Variants in SPTB observed in about 807,000 individuals in gnomAD.
SPTB encodes spectrin beta chain, erythrocytic.
A neutral mutation model predicts 256.2 loss-of-function variants in SPTB; 45 were observed. The ratio of observed to expected loss-of-function variants is 0.18; its 90% CI spans 0.14 to 0.23. The LOEUF (loss-of-function observed/expected upper bound fraction) is 0.23. SPTB is among the 10% of genes least tolerant of loss of function. The pLI is 1.00. For synonymous variants in SPTB, 1,231 were observed against 1,243.1 expected (o/e 0.99, Z 0.21); for missense variants, 2,715 against 3,040.4 (o/e 0.89, Z 2.52).
intron 9 of SPTB, among the ~76,000 whole-genome samples, chr14:64,798,767 T>C (rs1358271731): frequency 1.3e-5 from 2 of 152,234 alleles, no homozygotes; most frequent in African/African-American, 4.8e-5. Context: ...GATACTTGTT[T>C]ATAGTATATC....
chr14:64,767,824 C>G lies in SPTB; in HGVS notation c.6058G>C (p.Val2020Leu), dbSNP rs1486186891. 2 of 1,614,024 alleles carry G rather than the reference C, an allele frequency of 1.2e-6. No individual in the cohort carries two copies. Among genetic ancestry groups the G allele is most frequent in the Non-Finnish European group, 1.7e-6 (2 of 1,180,006 alleles). The change falls in exon 30 of 36, where the codon GTG becomes CTG. Residue 2020 changes from valine (V) to leucine (L), a missense_variant. By Grantham distance (32) the Val-to-Leu change is conservative. Transcript: ENST00000644917. ...TGGGCAATCAGCCACGCCTCAGCCACAGAGGCATCCCTCGAGAACTGGCAC... is the reference window on the plus strand; with the variant it reads ...TGGGCAATCAGCCACGCCTCAGCCAGAGAGGCATCCCTCGAGAACTGGCAC... ...EVCQFSRDAS[V>L]AEAWLIAQEP...
rs533903490 is a variant in SPTB, at chr14:64,764,474, C to A, written c.6345+2252G>T. ...ACCGGGCACAAGCCAGTCTTCCCATCTGCTGGAGTGGCTGGCTCTCCGGAA... is the reference window on the plus strand; with the variant it reads ...ACCGGGCACAAGCCAGTCTTCCCATATGCTGGAGTGGCTGGCTCTCCGGAA... On this transcript the variant is annotated intron_variant, in intron 32 of 35. Transcript: ENST00000644917. This position sits in a 1 kb window ranked among gnomAD's most constrained non-coding sequence, Gnocchi z 4.2. Among the ~76,000 whole-genome samples the A allele has an allele frequency of 0.01, 1,549 of 152,346 alleles. 22 individuals are homozygous for A. The highest frequency in any genetic ancestry group is 0.036 in the African/African-American group (1,485 of 41,564).
At chr14:64,874,221 T>A (rs370962092) in intron 1 of SPTB, among the ~76,000 whole-genome samples, 13 of 152,146 alleles carry the variant, frequency 8.5e-5, no homozygotes, top group African/African-American at 2.2e-4. Flanking sequence ...GGCCCCCTCA[T>A]CCTCCCTTCT....
At position 64,825,362 on chromosome 14, in the gene SPTB, G is replaced by A. The variant is rs1295495486; in HGVS notation, c.-51-2217C>T. Among the ~76,000 whole-genome samples, 8 of 152,184 alleles carry A rather than the reference G, an allele frequency of 5.3e-5. No homozygotes were observed. The highest frequency in any genetic ancestry group is 1.5e-5 in the Non-Finnish European group (1 of 68,030). On this transcript the variant is annotated intron_variant, in intron 1 of 35. Coordinates refer to ENST00000644917, the MANE Select transcript of SPTB (RefSeq NM_001355436.2). The surrounding 1 kb of genome is among the most constrained non-coding windows in gnomAD (Gnocchi z 4.8). ...CCACCCTTGTGCCTTTGAACAGCCT[G>A]TCCTCTTCTGCAGATGGACTTGCTG...
chr14:64,842,275 A>T (rs558969237), intron 1 of SPTB, among the ~76,000 whole-genome samples: 1 of 152,332 alleles, frequency 6.6e-6, no homozygotes, highest in East Asian at 1.9e-4. Context: ...TTCCTAGTAC[A>T]TGGTAGCAGT....
At position 64,802,184 on chromosome 14, in the gene SPTB, G is replaced by T. The variant is rs762251599; in HGVS notation, c.566+42C>A. On this transcript the variant is annotated intron_variant, in intron 5 of 35. Coordinates refer to ENST00000644917, the MANE Select transcript of SPTB (RefSeq NM_001355436.2). This position sits in a 1 kb window ranked among gnomAD's most constrained non-coding sequence, Gnocchi z 5.1. The stretch of plus-strand genomic sequence containing the variant: ...ATGGCAGTGCTTGTGCGGAGCAAGG[G>T]GCTGGTGGTGGATGTGCTAACAGCT... 2 of 1,578,888 alleles carry T rather than the reference G, an allele frequency of 1.3e-6. No homozygotes were observed. The highest frequency in any genetic ancestry group is 1.7e-5 in the Admixed American group (1 of 59,880).
intron 1 of SPTB, among the ~76,000 whole-genome samples, chr14:64,831,909 AC>A (rs2083457995): frequency 1.3e-5 from 2 of 152,226 alleles, no homozygotes; most frequent in African/African-American, 4.8e-5. Flanking sequence ...GTAAGCCAAT[AC>A]CCATACAAGG....
Position 64,778,409 on chromosome 14 carries a change from G to A in SPTB, c.4563+748C>T, listed in dbSNP as rs2082399185. Among the ~76,000 whole-genome samples, 1 of 152,182 alleles carries A rather than the reference G, an allele frequency of 6.6e-6. No individual in the cohort carries two copies. The highest frequency in any genetic ancestry group is 2.1e-4 in the South Asian group (1 of 4,836). ...TGGGCTCTCCTTGCTGACCCAGAGA[G>A]CATGCAGAGGGAGGGTCTCTCTGTC... On this transcript the variant is annotated intron_variant, in intron 22 of 35. Coordinates refer to ENST00000644917, the MANE Select transcript of SPTB (RefSeq NM_001355436.2). This position sits in a 1 kb window ranked among gnomAD's most constrained non-coding sequence, Gnocchi z 5.2.
intron 1 of SPTB, among the ~76,000 whole-genome samples, chr14:64,843,874 C>A (rs2083646692): frequency 6.6e-6 from 1 of 152,230 alleles, no homozygotes; most frequent in African/African-American, 2.4e-5. Flanking sequence ...ATTCTCCTGA[C>A]TGGACTCTCT....
rs992585095 is a variant in SPTB, at chr14:64,777,969, C to A, written c.4563+1188G>T. On this transcript the variant is annotated intron_variant, in intron 22 of 35. Coordinates refer to ENST00000644917, the MANE Select transcript of SPTB (RefSeq NM_001355436.2). The surrounding 1 kb of genome is among the most constrained non-coding windows in gnomAD (Gnocchi z 4.5). The stretch of plus-strand genomic sequence containing the variant: ...AACACTTACAGAGGCTGCATAGAAT[C>A]AAAAATCCTAGTGTTGGAAAGACTA... Among the ~76,000 whole-genome samples the A allele has an allele frequency of 6.6e-6, 1 of 152,126 alleles. No individual in the cohort carries two copies. The highest frequency in any genetic ancestry group is 2.4e-5 in the African/African-American group (1 of 41,422).
Position 64,782,277 on chromosome 14 carries a change from C to A in SPTB, c.4266+13G>T. 6.2e-7 allele frequency: 1 copy of A among 1,614,196 alleles called. No individual in the cohort carries two copies. On this transcript the variant is annotated intron_variant, in intron 20 of 35. Transcript: ENST00000644917. Reference sequence around the variant, plus strand: ...CTATCCTAACACTCTGAGTCTACAACCCACTCACGTGCCTTCAGCTTAGCC... The same window carrying A: ...CTATCCTAACACTCTGAGTCTACAAACCACTCACGTGCCTTCAGCTTAGCC...
intron 1 of SPTB, among the ~76,000 whole-genome samples, chr14:64,865,204 T>C (rs1248040212): frequency 6.6e-6 from 1 of 152,042 alleles, no homozygotes; most frequent in African/African-American, 2.4e-5. Flanking sequence ...TAGACTGTAA[T>C]GATCACTTGC....
chr14:64,765,911 G>A (rs944475887), intron 32 of SPTB, among the ~76,000 whole-genome samples: 3 of 150,104 alleles, frequency 2.0e-5, no homozygotes, highest in Admixed American at 6.6e-5. Context: ...GTGTGTGGGG[G>A]TGTGGTGTGT....
chr14:64,793,459 C>G lies in SPTB; in HGVS notation c.2204G>C (p.Cys735Ser). 5 of 1,614,094 alleles carry G rather than the reference C, an allele frequency of 3.1e-6. No individual in the cohort carries two copies. Among genetic ancestry groups the G allele is most frequent in the Non-Finnish European group, 4.2e-6 (5 of 1,180,048 alleles). The change falls in exon 14 of 36, where the codon TGC becomes TCC. Residue 735 changes from cysteine to serine, a missense_variant. Cys to Ser is a moderately radical substitution (Grantham distance 112). Transcript: ENST00000644917. The surrounding 1 kb of genome is among the most constrained non-coding windows in gnomAD (Gnocchi z 7.0). ...WDQLKDLAAF[C>S]KKNLQDAENF... is the part of the protein sequence containing the mutation. ...CTCAGCATCCTGGAGGTTCTTCTTG[C>G]AGAAGGCAGCCAGGTCCTTCAGCTG...
In SPTB at chr14:64,797,640, G is replaced by A. The variant is rs1015434769; in HGVS notation, c.1182+89C>T. The A allele has an allele frequency of 2.6e-5, 29 of 1,102,566 alleles. No homozygotes were observed. The East Asian group carries it at 5.4e-4, about 21-fold the overall frequency. 68.3% of individuals were successfully genotyped at this position (1,102,566 alleles called of 1,614,324 possible). ...TAATAACATCAAAGAAAGTGGCTTG[G>A]TTTAATCTGGTCCAATGACCATTCA... is the stretch of plus-strand genomic sequence containing the variant. On this transcript the variant is annotated intron_variant, in intron 10 of 35. Coordinates refer to ENST00000644917, the MANE Select transcript of SPTB (RefSeq NM_001355436.2).
At chr14:64,791,195 G>C (rs1038356043) in intron 15 of SPTB, among the ~76,000 whole-genome samples, 17 of 152,098 alleles carry the variant, frequency 1.1e-4, no homozygotes, top group African/African-American at 4.1e-4. Flanking sequence ...CTCCCTCCCT[G>C]GGCTGTTCAC....
chr14:64,810,457 A>C (rs2083067028), intron 2 of SPTB, among the ~76,000 whole-genome samples: 1 of 152,190 alleles, frequency 6.6e-6, no homozygotes, highest in African/African-American at 2.4e-5. Context: ...AAGCAGGTGG[A>C]TCACTTTGGG....
chr14:64,782,574 A>G, intron 19 of SPTB, 21 bp from the exon 20 acceptor site: 1 of 1,612,692 alleles, frequency 6.2e-7, no homozygotes, highest in Non-Finnish European at 8.5e-7. Context: ...GAAGGAGGAG[A>G]GCTCACATTC....
In SPTB at chr14:64,787,112, G is replaced by A. The variant is rs767289762; in HGVS notation, c.2853C>T (p.Asp951=). ...TLVSERREAV[D]SALRVHNYCV... is the part of the protein sequence containing the mutation. ...AGTAGTTGTGCACTCGGAGGGCTGAGTCCACAGCCTCCCGCCGCTCCGACA... is the reference window on the plus strand; with the variant it reads ...AGTAGTTGTGCACTCGGAGGGCTGAATCCACAGCCTCCCGCCGCTCCGACA... Residue 951 remains aspartate (D), a synonymous_variant, in exon 16 of 36, where the codon GAC becomes GAT. Coordinates refer to ENST00000644917, the MANE Select transcript of SPTB (RefSeq NM_001355436.2). The A allele has an allele frequency of 1.2e-6, 2 of 1,606,656 alleles. No homozygotes were observed. The highest frequency in any genetic ancestry group is 1.7e-6 in the Non-Finnish European group (2 of 1,179,934).
Sources: allele counts gnomAD v4.1 joint callset (sites outside exome capture counted in the v4.1 genomes callset), GRCh38; gene constraint gnomAD v4.1.1; non-coding constraint Gnocchi (gnomAD v3.1); transcripts MANE v1.5; gene names NCBI Gene and HGNC (gene_info 2026-07-23, HGNC 2026-07-21).